Variants in SATB1 observed in about 807,000 individuals in gnomAD.
SATB1 encodes the protein DNA-binding protein SATB1.
A neutral mutation model predicts 86.9 loss-of-function variants in SATB1; 11 were observed. That is an observed-to-expected ratio of 0.13 (90% CI 0.08 to 0.21). The LOEUF (loss-of-function observed/expected upper bound fraction) is 0.21, where lower values mean the gene tolerates loss of function less well. Ranked by LOEUF, SATB1 falls within the 10% of genes least tolerant of loss-of-function variation. SATB1 has a pLI of 1.00. For missense variants in SATB1, 551 were observed against 937.6 expected (o/e 0.59, Z 5.39); for synonymous variants, 357 against 357.2 (o/e 1.00, Z 0.01).
At chr3:18,372,046 T>G (rs1695501359) in intron 9 of SATB1, among the ~76,000 whole-genome samples, 1 of 152,212 alleles carries the variant, frequency 6.6e-6, no homozygotes, top group African/African-American at 2.4e-5. Flanking sequence ...TTATAGAATA[T>G]TCTTAGTTTA....
intron 5 of SATB1, among the ~76,000 whole-genome samples, chr3:18,407,516 C>T (rs1697604678): frequency 6.6e-6 from 1 of 152,014 alleles, no homozygotes; most frequent in African/African-American, 2.4e-5. Flanking sequence ...CACTTTAGGA[C>T]TGAAAACTGT....
At chr3:18,372,153 A>G (rs902473910) in intron 9 of SATB1, among the ~76,000 whole-genome samples, 3 of 152,222 alleles carry the variant, frequency 2.0e-5, no homozygotes, top group Non-Finnish European at 4.4e-5. Context: ...GCTTCAGAAC[A>G]TATATGCTGG....
chr3:18,380,848 C>T (rs1362262802), intron 8 of SATB1, among the ~76,000 whole-genome samples: 3 of 152,106 alleles, frequency 2.0e-5, no homozygotes, highest in South Asian at 2.1e-4. Context: ...CCTCACTCTA[C>T]TAAGTACTAT....
chr3:18,420,806 T>G lies in SATB1; in HGVS notation c.162A>C (p.Gly54=). The part of the protein sequence containing the change: ...RLGSTGAKMQ[G]VPLKHSGHLM... ...GATGGCCCGAGTGTTTTAAAGGCAC[T>G]CCCTGCATTTTTGCACCTGTACTCC... Residue 54 remains glycine, a synonymous_variant, in exon 2 of 11, where the codon GGA becomes GGC. Coordinates refer to ENST00000338745, the MANE Select transcript of SATB1 (RefSeq NM_002971.6). 6.2e-7 allele frequency: 1 copy of G among 1,614,162 alleles called. No homozygotes were observed. Among genetic ancestry groups the G allele is most frequent in the East Asian group, 2.2e-5 (1 of 44,886 alleles).
intron 8 of SATB1, among the ~76,000 whole-genome samples, chr3:18,384,978 TAAA>T: frequency 6.6e-6 from 1 of 152,310 alleles, no homozygotes; most frequent in Middle Eastern, 3.4e-3. Flanking sequence ...TGATTTTCAT[TAAA>T]TAAACTAGTG....
chr3:18,376,282 G>A (rs578202182), intron 9 of SATB1, among the ~76,000 whole-genome samples: 1 of 151,948 alleles, frequency 6.6e-6, no homozygotes, highest in East Asian at 1.9e-4. Context: ...GCGGGGGTGG[G>A]GGTAGATTGA....
upstream of SATB1, among the ~76,000 whole-genome samples, chr3:18,427,711 A>T (rs1468690623): frequency 6.6e-6 from 1 of 152,232 alleles, no homozygotes; most frequent in Admixed American, 6.5e-5. Flanking sequence ...TCTGAGTCAC[A>T]AATCTATTCA....
rs1699330878 is a variant in SATB1 at position 18,444,566 on chromosome 3, G to A, written c.-25+952C>T. The A allele has an allele frequency of 1.0e-6, 1 of 985,026 alleles. No homozygotes were observed. The highest frequency in any genetic ancestry group is 1.2e-6 in the Non-Finnish European group (1 of 829,634). The allele number at this position is 985,026 out of a possible 1,614,324, so 61.0% of individuals were successfully genotyped here. ...AAGAGGGACAGAGATAAAACAGCAA[G>A]AGTAGCAAGGGGAAAAGGGAGGCAA... On this transcript the variant is annotated intron_variant, in intron 1 of 3. Transcript: ENST00000415069. This position sits in a 1 kb window ranked among gnomAD's most constrained non-coding sequence, Gnocchi z 5.1.
intron 2 of SATB1, among the ~76,000 whole-genome samples, chr3:18,435,494 T>C (rs529280885): frequency 6.6e-6 from 1 of 152,208 alleles, no homozygotes; most frequent in South Asian, 2.1e-4. Flanking sequence ...AAAACACCAG[T>C]GTAAATTAAA....
intron 9 of SATB1, among the ~76,000 whole-genome samples, chr3:18,354,304 T>C (rs1694523756): frequency 6.6e-6 from 1 of 152,218 alleles, no homozygotes; most frequent in African/African-American, 2.4e-5. Flanking sequence ...ATGTTTTAGA[T>C]AGATTATCTT....
chr3:18,381,213 G>A (rs1696042228), intron 8 of SATB1, among the ~76,000 whole-genome samples: 1 of 152,126 alleles, frequency 6.6e-6, no homozygotes, highest in Non-Finnish European at 1.5e-5. Flanking sequence ...GCTTCTTCAT[G>A]GATTGCTGTA....
At position 18,348,119 on chromosome 3, in the gene SATB1, A is replaced by G. The variant is rs1694152002; in HGVS notation, c.*1051T>C. The G allele has an allele frequency of 6.6e-6, 1 of 152,670 alleles. No individual in the cohort carries two copies. The highest frequency in any genetic ancestry group is 2.4e-5 in the African/African-American group (1 of 41,474). The allele number at this position is 152,670 out of a possible 1,614,324, so 9.5% of individuals were successfully genotyped here. ...ACACCTTTATACAGAAATTTTATAC[A>G]GATGTAGCTTTAAAATTGATTGTAA... On this transcript the variant is annotated 3_prime_UTR_variant, in exon 11 of 11. Transcript: ENST00000338745.
At chr3:18,415,891 T>C (rs1368542600) in intron 4 of SATB1, 116 bp downstream of exon 4, 8 of 985,600 alleles carry the variant, frequency 8.1e-6, no homozygotes, top group Non-Finnish European at 1.2e-5. Flanking sequence ...CGATCTGTAT[T>C]AACCTTTCTG....
At chr3:18,401,614 C>T (rs187332006) in intron 5 of SATB1, among the ~76,000 whole-genome samples, 5 of 152,214 alleles carry the variant, frequency 3.3e-5, no homozygotes, top group East Asian at 1.9e-4. Context: ...AAAACTCAGT[C>T]GGTTGAAATA....
At chr3:18,392,786 G>T (rs1696752921) in intron 7 of SATB1, among the ~76,000 whole-genome samples, 1 of 151,856 alleles carries the variant, frequency 6.6e-6, no homozygotes, top group African/African-American at 2.4e-5. Context: ...TATTTAGAGG[G>T]TTGACTTTTG....
intron 9 of SATB1, among the ~76,000 whole-genome samples, chr3:18,358,873 G>A (rs765460115): frequency 3.9e-5 from 6 of 151,900 alleles, no homozygotes; most frequent in Admixed American, 6.6e-5. Context: ...AAATTTGTGC[G>A]TTCCAATACT....
At chr3:18,413,428 T>C (rs1697964023) in intron 5 of SATB1, among the ~76,000 whole-genome samples, 1 of 152,122 alleles carries the variant, frequency 6.6e-6, no homozygotes, top group Non-Finnish European at 1.5e-5. Flanking sequence ...TTTAGTAACA[T>C]AAAGACACAT....
chr3:18,394,386 A>G lies in SATB1; in HGVS notation c.1206+76T>C. On this transcript the variant is annotated intron_variant, in intron 7 of 10. Transcript: ENST00000338745. This position sits in a 1 kb window ranked among gnomAD's most constrained non-coding sequence, Gnocchi z 5.9. ...AATGTTAGTACAGAAGTAAAAGAAT[A>G]AACTTTAGTTATAGATGGGACTAAA... 1.6e-6 allele frequency: 2 copies of G among 1,215,162 alleles called. No individual in the cohort carries two copies. The highest frequency in any genetic ancestry group is 3.0e-5 in the African/African-American group (2 of 66,078). The allele number at this position is 1,215,162 out of a possible 1,614,324, so 75.3% of individuals were successfully genotyped here. A position where few individuals can be genotyped will look rare whatever the true frequency, so the allele number is the denominator to read the frequency against.
chr3:18,346,662 T>TA lies in SATB1; in HGVS notation c.*2507dup, dbSNP rs901623201. ...CAAAACCACGCTGACTTTTAAAAGT[T>TA]AAAAAATCTAAGTGGGAATTTTGTT... On this transcript the variant is annotated 3_prime_UTR_variant, in exon 11 of 11. Transcript: ENST00000338745. The TA allele has an allele frequency of 5.3e-5, 8 of 152,126 alleles. No homozygotes were observed. The South Asian group carries it at 1.0e-3, about 20-fold the overall frequency. 9.4% of individuals were successfully genotyped at this position (152,126 alleles called of 1,614,324 possible).
Sources: gnomAD v4.1 joint callset for allele counts (sites outside exome capture counted in the v4.1 genomes callset) on GRCh38, gnomAD v4.1.1 for gene constraint, Gnocchi (gnomAD v3.1) non-coding constraint, MANE v1.5 for transcripts, NCBI Gene and HGNC (gene_info 2026-07-23, HGNC 2026-07-21) for gene names.